Variants in ATP10A observed in about 807,000 individuals in gnomAD.
The protein encoded by ATP10A is ATPase phospholipid transporting 10A (putative), also known as phospholipid-transporting ATPase VA.
A neutral mutation model predicts 147.8 loss-of-function variants in ATP10A; 111 were observed. The observed-to-expected ratio is 0.75, with a 90% CI of 0.64 to 0.88. The LOEUF (loss-of-function observed/expected upper bound fraction) is 0.88. Among genes scored for constraint, ATP10A ranks in the 40% least tolerant of loss-of-function variants. The probability of loss-of-function intolerance (pLI) is 0.00; values close to 1 mark genes in which losing one functional copy is unlikely to be tolerated. For synonymous variants in ATP10A, 875 were observed against 841.6 expected, an observed-to-expected ratio of 1.04 and a Z score of -0.69; for missense variants, 1,927 against 1,959.0, an observed-to-expected ratio of 0.98 and a Z score of 0.31.
At chr15:25,702,198 G>A in intron 12 of ATP10A, 98 bp from the exon 13 acceptor site, 2 of 1,272,432 alleles carry the variant, frequency 1.6e-6, no homozygotes, top group Non-Finnish European at 2.2e-6. Context: ...CCGAAGGCAG[G>A]CACTGGTACA....
At position 25,718,486 on chromosome 15, in the gene ATP10A, G is replaced by A. The variant is rs192193758; in HGVS notation, c.1364-87C>T. On this transcript the variant is annotated intron_variant, in intron 7 of 20. Coordinates refer to ENST00000555815, the MANE Select transcript of ATP10A (RefSeq NM_024490.4). ...CCATTCAGTGTGTTTTAGGTTCCGC[G>A]AGGCTTCCGGCAGGGCAGCCCCACA... The A allele has an allele frequency of 1.2e-5, 16 of 1,354,576 alleles. No individual in the cohort carries two copies. The African/African-American group carries it at 1.9e-4, about 16-fold the overall frequency. The allele number at this position is 1,354,576 out of a possible 1,614,324, so 83.9% of individuals were successfully genotyped here. A position where few individuals can be genotyped will look rare whatever the true frequency, so the allele number is the denominator to read the frequency against.
intron 2 of ATP10A, among the ~76,000 whole-genome samples, chr15:25,744,514 G>T (rs1887742359): frequency 6.6e-6 from 1 of 152,164 alleles, no homozygotes; most frequent in South Asian, 2.1e-4. Context: ...AACAAAACAA[G>T]AATAGGAACA....
chr15:25,727,747 A>C (rs894104265), intron 3 of ATP10A, among the ~76,000 whole-genome samples: 1 of 152,248 alleles, frequency 6.6e-6, no homozygotes, highest in Non-Finnish European at 1.5e-5. Context: ...AAGAAGTTAT[A>C]AAGTTATTAG....
chr15:25,774,496 C>T (rs1889505499), intron 2 of ATP10A, among the ~76,000 whole-genome samples: 1 of 151,778 alleles, frequency 6.6e-6, no homozygotes, highest in African/African-American at 2.4e-5. Context: ...ATCACTTGAA[C>T]CCGGGAGGCA....
Position 25,863,053 on chromosome 15 carries a change from C to G in ATP10A, c.44G>C (p.Gly15Ala). 1 of 1,252,522 alleles carries G rather than the reference C, an allele frequency of 8.0e-7. No homozygotes were observed. Among genetic ancestry groups the G allele is most frequent in the African/African-American group, 1.6e-5 (1 of 63,618 alleles). 77.6% of individuals were successfully genotyped at this position (1,252,522 alleles called of 1,614,324 possible). ...CCTGCCCTCTCGGCGCCTCCGCCGT[C>G]CCGGAGGCCCGGGCTCCTCGGTCCC... The part of the protein sequence containing the change: ...PAGTEEPGPP[G>A]RRRRREGRTR... Residue 15 changes from glycine to alanine, a missense_variant, in exon 1 of 21, where the codon GGA becomes GCA. Transcript: ENST00000555815.
At position 25,695,077 on chromosome 15, in the gene ATP10A, C is replaced by G; in HGVS notation, c.2830G>C (p.Glu944Gln). Residue 944 changes from glutamate to glutamine, a missense_variant, in exon 14 of 21, where the codon GAG (glutamate) becomes CAG (glutamine). Coordinates refer to ENST00000555815, the MANE Select transcript of ATP10A (RefSeq NM_024490.4). ...ATGCTCACTTTGCCCTTGGTCTTCTCAGGGGCTCTCTGGAGGCCTCTGGAC... is the reference window on the plus strand; with the variant it reads ...ATGCTCACTTTGCCCTTGGTCTTCTGAGGGGCTCTCTGGAGGCCTCTGGAC... ...VQSRGLQRAP[E>Q]KTKGKVSMRF... 5 of 1,614,172 alleles carry G rather than the reference C, an allele frequency of 3.1e-6. No homozygotes were observed. In the South Asian group the frequency reaches 5.5e-5, roughly 18 times the overall value.
At chr15:25,701,110 G>A (rs921124189) in intron 13 of ATP10A, among the ~76,000 whole-genome samples, 3 of 152,202 alleles carry the variant, frequency 2.0e-5, no homozygotes, top group Admixed American at 6.5e-5. Context: ...TCTGTACAAT[G>A]TGGACAACGG....
At chr15:25,675,403 G>T (rs1198273871), downstream of ATP10A, among the ~76,000 whole-genome samples, 4 of 152,210 alleles carry the variant, frequency 2.6e-5, no homozygotes, top group South Asian at 6.2e-4. Flanking sequence ...CATGAGAAGG[G>T]ATTCATTCAG....
At chr15:25,675,882 G>C (rs1271027262), downstream of ATP10A, among the ~76,000 whole-genome samples, 2 of 152,060 alleles carry the variant, frequency 1.3e-5, no homozygotes, top group Non-Finnish European at 2.9e-5. Context: ...GGAGGTAGAG[G>C]CTGCAGTGAG....
intron 1 of ATP10A, among the ~76,000 whole-genome samples, chr15:25,858,012 T>C (rs1354986165): frequency 1.3e-5 from 2 of 152,214 alleles, no homozygotes; most frequent in Admixed American, 6.5e-5. Flanking sequence ...TGCCTTTGGA[T>C]GACAACCAAG....
chr15:25,852,668 C>A (rs1472592272), intron 1 of ATP10A, among the ~76,000 whole-genome samples: 1 of 152,194 alleles, frequency 6.6e-6, no homozygotes, highest in Non-Finnish European at 1.5e-5. Flanking sequence ...AGTCTGTCAA[C>A]ACAGCTGGAC....
intron 13 of ATP10A, among the ~76,000 whole-genome samples, chr15:25,699,532 C>A (rs1900546016): frequency 6.6e-6 from 1 of 152,092 alleles, no homozygotes; most frequent in Non-Finnish European, 1.5e-5. Context: ...TTAGGCACAT[C>A]TTAGACATGA....
chr15:25,752,025 G>A (rs1285841129), intron 2 of ATP10A, among the ~76,000 whole-genome samples: 1 of 152,160 alleles, frequency 6.6e-6, no homozygotes, highest in African/African-American at 2.4e-5. Flanking sequence ...AAATGTTGAT[G>A]AGGATGTGAA....
At chr15:25,788,876 TA>T (rs1890287313) in intron 1 of ATP10A, among the ~76,000 whole-genome samples, 1 of 152,224 alleles carries the variant, frequency 6.6e-6, no homozygotes, top group African/African-American at 2.4e-5. Flanking sequence ...AAGCTCCAAT[TA>T]AATCTGTGTT....
At chr15:25,800,126 T>G (rs1262354446) in intron 1 of ATP10A, among the ~76,000 whole-genome samples, 2 of 152,130 alleles carry the variant, frequency 1.3e-5, no homozygotes, top group East Asian at 3.9e-4. Context: ...ACGCAACAGC[T>G]CAGGGATCAG....
Position 25,714,204 on chromosome 15 carries a change from G to A in ATP10A, c.1814C>T (p.Thr605Met), listed in dbSNP as rs777490269. 3.5e-5 allele frequency: 56 copies of A among 1,602,436 alleles called. No homozygotes were observed. The highest frequency in any genetic ancestry group is 3.1e-4 in the East Asian group (14 of 44,836). The change falls in exon 10 of 21, where the codon ACG becomes ATG. Residue 605 changes from threonine (T) to methionine (M), a missense_variant. Thr to Met is a moderately conservative substitution (Grantham distance 81). Transcript: ENST00000555815. ...GAACCTCCGCAGGAAGTCTTCTATC[G>A]TCTTCACCGGGGACTTCAGCTCAAA... Reference protein sequence around the residue: ...VRFELKSPVKTIEDFLRRFTP... With the variant: ...VRFELKSPVKMIEDFLRRFTP...
intron 3 of ATP10A, among the ~76,000 whole-genome samples, chr15:25,732,559 T>TACATGCGACACCTTC: frequency 1.3e-4 from 1 of 7,536 alleles, no homozygotes; most frequent in Non-Finnish European, 4.7e-4. Context: ...CGACACCTTC[T>TACATGCGACACCTTC]TTTTTTTTTT....
chr15:25,747,964 T>C (rs908434732), intron 2 of ATP10A, among the ~76,000 whole-genome samples: 1 of 145,624 alleles, frequency 6.9e-6, no homozygotes, highest in Non-Finnish European at 1.5e-5. Context: ...GCAAAAATTC[T>C]TTTTTTTTTT....
chr15:25,761,054 T>C (rs910789126), intron 2 of ATP10A, among the ~76,000 whole-genome samples: 6 of 152,198 alleles, frequency 3.9e-5, no homozygotes, highest in Non-Finnish European at 8.8e-5. Context: ...AAAAGATACA[T>C]AGTTGAGCTA....
Sources: allele counts gnomAD v4.1 joint callset (sites outside exome capture counted in the v4.1 genomes callset), GRCh38; gene constraint gnomAD v4.1.1; transcripts MANE v1.5; gene names NCBI Gene and HGNC (gene_info 2026-07-23, HGNC 2026-07-21).